USH2A: variants seen among roughly 807,000 people sequenced by gnomAD.
USH2A encodes the protein Usher syndrome 2A (autosomal recessive, mild).
A neutral mutation model predicts 538.9 loss-of-function variants in USH2A; 443 were observed. That is an observed-to-expected ratio of 0.82 (90% CI 0.76 to 0.89). The LOEUF is 0.89. USH2A is among the 40% of genes least tolerant of loss of function. The pLI, the probability that USH2A is intolerant of heterozygous loss-of-function variation, is 0.00. For missense variants in USH2A, 6,633 were observed against 6,324.8 expected (o/e 1.05, Z -1.65); for synonymous variants, 2,413 against 2,273.5 (o/e 1.06, Z -1.75).
chr1:216,055,703 AG>A (rs2030952633), intron 30 of USH2A, among the ~76,000 whole-genome samples: 1 of 152,196 alleles, frequency 6.6e-6, no homozygotes, highest in South Asian at 2.1e-4. Flanking sequence ...TTAGCCCAGG[AG>A]GGTGGGATTT....
chr1:216,272,691 G>T (rs1228067688), intron 11 of USH2A, among the ~76,000 whole-genome samples: 9 of 152,126 alleles, frequency 5.9e-5, no homozygotes, highest in African/African-American at 2.2e-4. Flanking sequence ...AAAAATGCTG[G>T]TGCTGGGGTG....
chr1:215,811,716 G>C (rs1463288769), intron 49 of USH2A, among the ~76,000 whole-genome samples: 2 of 152,004 alleles, frequency 1.3e-5, no homozygotes, highest in Non-Finnish European at 2.9e-5. Context: ...AGACCACCCT[G>C]ACCAACATGG....
intron 38 of USH2A, among the ~76,000 whole-genome samples, chr1:215,927,025 G>A (rs1666255240): frequency 6.6e-6 from 1 of 152,156 alleles, no homozygotes; most frequent in Admixed American, 6.6e-5. Context: ...GCAGTCGCAG[G>A]TAGAATTATA....
intron 4 of USH2A, among the ~76,000 whole-genome samples, chr1:216,347,595 T>C (rs145459870): frequency 0.012 from 1,800 of 152,200 alleles, 31 homozygotes; most frequent in Non-Finnish European, 0.016. Flanking sequence ...TGTAAAAATA[T>C]GTTATTGGTT....
chr1:215,852,834 A>C (rs1345191418), intron 44 of USH2A, among the ~76,000 whole-genome samples: 1 of 152,216 alleles, frequency 6.6e-6, no homozygotes, highest in Admixed American at 6.5e-5. Context: ...TGCTGATGCA[A>C]GAGGTGGGTT....
At chr1:216,421,306 T>C (rs1403115497) in intron 2 of USH2A, among the ~76,000 whole-genome samples, 2 of 152,156 alleles carry the variant, frequency 1.3e-5, no homozygotes, top group East Asian at 3.9e-4. Context: ...AAAAGCTATA[T>C]GTTTTTAGAG....
chr1:216,373,048 A>G (rs1342055995), intron 3 of USH2A, among the ~76,000 whole-genome samples: 1 of 152,180 alleles, frequency 6.6e-6, no homozygotes, highest in Non-Finnish European at 1.5e-5. Context: ...CCATGTTTAT[A>G]AAGAAAACTG....
intron 35 of USH2A, among the ~76,000 whole-genome samples, chr1:215,988,336 C>T (rs74141491): frequency 0.027 from 4,174 of 152,224 alleles, 152 homozygotes; most frequent in African/African-American, 0.086. Flanking sequence ...CCTCAAGTTT[C>T]ATCCAGAGCA....
At chr1:216,376,717 C>A (rs1195505264) in intron 3 of USH2A, among the ~76,000 whole-genome samples, 1 of 152,108 alleles carries the variant, frequency 6.6e-6, no homozygotes, top group Non-Finnish European at 1.5e-5. Context: ...GAGATGTGAA[C>A]TCACTGCTGA....
At chr1:216,297,156 A>C (rs887360243) in intron 9 of USH2A, among the ~76,000 whole-genome samples, 1 of 151,894 alleles carries the variant, frequency 6.6e-6, no homozygotes, top group South Asian at 2.1e-4. Flanking sequence ...GTACCTCTTT[A>C]ATCCTTATTT....
intron 14 of USH2A, among the ~76,000 whole-genome samples, chr1:216,230,989 C>T (rs1013348762): frequency 1.3e-5 from 2 of 149,766 alleles, no homozygotes; most frequent in African/African-American, 4.9e-5. Context: ...AGGCAAATGG[C>T]CACAGATACC....
chr1:216,347,681 T>C (rs577857247), intron 4 of USH2A, among the ~76,000 whole-genome samples: 48 of 152,282 alleles, frequency 3.2e-4, no homozygotes, highest in South Asian at 1.4e-3. Context: ...GTTATAATTG[T>C]CAGTAAAATC....
intron 32 of USH2A, among the ~76,000 whole-genome samples, chr1:216,003,493 T>A (rs1333719577): frequency 6.6e-6 from 1 of 152,020 alleles, no homozygotes; most frequent in African/African-American, 2.4e-5. Flanking sequence ...GAAGGTGGCA[T>A]TTTGAGCAAA....
intron 21 of USH2A, among the ~76,000 whole-genome samples, chr1:216,169,559 A>C (rs1187868421): frequency 6.6e-6 from 1 of 152,120 alleles, no homozygotes. Context: ...AACAGTCTTG[A>C]CATTTACATC....
intron 35 of USH2A, among the ~76,000 whole-genome samples, chr1:215,987,786 G>C (rs193024106): frequency 1.3e-5 from 2 of 152,296 alleles, no homozygotes; most frequent in East Asian, 3.9e-4. Flanking sequence ...TTGAAAGAAT[G>C]AGGTCACGTT....
At chr1:216,025,569 G>A (rs1668944930) in intron 32 of USH2A, among the ~76,000 whole-genome samples, 1 of 152,006 alleles carries the variant, frequency 6.6e-6, no homozygotes, top group African/African-American at 2.4e-5. Context: ...ATGAAAATAT[G>A]TAAGGCAAGC....
intron 21 of USH2A, among the ~76,000 whole-genome samples, chr1:216,157,094 G>A (rs751339863): frequency 1.7e-4 from 26 of 152,012 alleles, no homozygotes; most frequent in Admixed American, 4.6e-4. Flanking sequence ...GGATGGTCTC[G>A]ATCTCTTGAC....
At chr1:215,905,685 A>C (rs11590241) in intron 38 of USH2A, among the ~76,000 whole-genome samples, 14,878 of 152,028 alleles carry the variant, frequency 0.098, 1,093 homozygotes, top group African/African-American at 0.2. Flanking sequence ...TCAGTTGTTC[A>C]TCCAGGTTAA....
intron 52 of USH2A, among the ~76,000 whole-genome samples, chr1:215,784,367 T>C (rs1325934692): frequency 2.0e-5 from 3 of 152,212 alleles, no homozygotes; most frequent in Admixed American, 1.3e-4. Flanking sequence ...ATGGTCAATA[T>C]GTTTTACATT....
Sources: allele counts gnomAD v4.1 joint callset (sites outside exome capture counted in the v4.1 genomes callset), GRCh38; gene constraint gnomAD v4.1.1; transcripts MANE v1.5; gene names NCBI Gene and HGNC (gene_info 2026-07-23, HGNC 2026-07-21).